Variants in APBA2 observed in about 807,000 individuals in gnomAD.
The protein encoded by APBA2 is amyloid-beta A4 precursor protein-binding family A member 2.
Under a neutral mutation model 75.0 loss-of-function variants are expected in APBA2, and 30 were observed. That is an observed-to-expected ratio of 0.40 (90% CI 0.30 to 0.54). The LOEUF (loss-of-function observed/expected upper bound fraction) is 0.54. Among genes scored for constraint, APBA2 ranks in the 20% least tolerant of loss-of-function variants. The pLI, the probability that APBA2 is intolerant of heterozygous loss-of-function variation, is 0.49. For missense variants in APBA2, 801 were observed against 1,016.1 expected, an observed-to-expected ratio of 0.79 and a Z score of 2.88; for synonymous variants, 444 against 409.6, an observed-to-expected ratio of 1.08 and a Z score of -1.01.
rs138421246 is a variant in APBA2 at position 28,891,232 on chromosome 15, G to C, written c.-205+4954G>C. ...CCGACAAATCTGGAAGGCACGTCTT[G>C]TCTTAACTTTGCAACAAGGAGGCTG... is the stretch of plus-strand genomic sequence containing the variant. On this transcript the variant is annotated intron_variant, in intron 1 of 14. Transcript: ENST00000683413. Among the ~76,000 whole-genome samples the C allele has an allele frequency of 6.3e-4, 96 of 152,326 alleles. 1 individual carries two copies. In the East Asian group the frequency reaches 9.8e-3, roughly 16 times the overall value.
At chr15:29,106,315 G>A (rs969447563) in intron 11 of APBA2, among the ~76,000 whole-genome samples, 2 of 151,594 alleles carry the variant, frequency 1.3e-5, no homozygotes, top group Admixed American at 1.3e-4. Context: ...TTGGGCACGG[G>A]TGGGGTTGGG....
At chr15:29,088,795 C>T (rs1054618759) in intron 6 of APBA2, among the ~76,000 whole-genome samples, 1 of 152,188 alleles carries the variant, frequency 6.6e-6, no homozygotes, top group Non-Finnish European at 1.5e-5. Context: ...CCAGGGTCCT[C>T]ACATCTGGCC....
intron 3 of APBA2, among the ~76,000 whole-genome samples, chr15:29,014,169 A>G (rs1343409411): frequency 1.3e-5 from 2 of 152,344 alleles, no homozygotes; most frequent in African/African-American, 2.4e-5. Context: ...TATTGTGCTC[A>G]TGCAGGTAGC....
intron 2 of APBA2, among the ~76,000 whole-genome samples, chr15:28,930,153 G>A (rs2152686643): frequency 6.6e-6 from 1 of 152,316 alleles, no homozygotes; most frequent in African/African-American, 2.4e-5. Flanking sequence ...GCCCCCGCCA[G>A]TATAGGTGGG....
chr15:28,946,925 G>A (rs1473296044), intron 2 of APBA2, among the ~76,000 whole-genome samples: 3 of 152,314 alleles, frequency 2.0e-5, no homozygotes, highest in Non-Finnish European at 4.4e-5. Flanking sequence ...GCAAGTTGGT[G>A]TTGTCTGAAG....
chr15:29,000,949 GGGA>G (rs2038811926), intron 3 of APBA2, among the ~76,000 whole-genome samples: 1 of 152,140 alleles, frequency 6.6e-6, no homozygotes, highest in African/African-American at 2.4e-5. Context: ...GCCTTCACAT[GGGA>G]GGCTCCTTCT....
intron 3 of APBA2, among the ~76,000 whole-genome samples, chr15:29,048,665 G>T (rs1026308166): frequency 6.6e-6 from 1 of 151,994 alleles, no homozygotes; most frequent in African/African-American, 2.4e-5. Flanking sequence ...GCTGGGCGGG[G>T]TGGCTCACAC....
intron 3 of APBA2, among the ~76,000 whole-genome samples, chr15:29,010,254 TAGG>T (rs562753264): frequency 4.1e-4 from 63 of 152,264 alleles, no homozygotes; most frequent in African/African-American, 1.5e-3. Context: ...TAGTGCTTTG[TAGG>T]AGTTCTTTTT....
At chr15:29,011,690 A>C (rs183810630) in intron 3 of APBA2, among the ~76,000 whole-genome samples, 2 of 152,236 alleles carry the variant, frequency 1.3e-5, no homozygotes, top group African/African-American at 4.8e-5. Flanking sequence ...CTTCTTTGTT[A>C]TATCATTTAC....
intron 4 of APBA2, chr15:29,070,735 A>G (rs758547630): frequency 7.1e-5 from 17 of 240,422 alleles, no homozygotes; most frequent in Non-Finnish European, 1.2e-4. Flanking sequence ...CCAGGGGGTC[A>G]TGCTCTCACT....
At chr15:28,950,918 G>C (rs764689517) in intron 2 of APBA2, among the ~76,000 whole-genome samples, 1 of 152,130 alleles carries the variant, frequency 6.6e-6, no homozygotes, top group Non-Finnish European at 1.5e-5. Context: ...TGCTCAAACT[G>C]TCCCAGCTTT....
intron 6 of APBA2, among the ~76,000 whole-genome samples, chr15:29,087,122 T>G (rs1206404088): frequency 1.3e-5 from 2 of 152,234 alleles, no homozygotes; most frequent in Non-Finnish European, 2.9e-5. Flanking sequence ...ATGGAGAGGA[T>G]GTTCTGCAGA....
At chr15:29,033,964 CAAAAAAAAAAAAAA>C (rs34808408) in intron 3 of APBA2, among the ~76,000 whole-genome samples, 1 of 39,556 alleles carries the variant, frequency 2.5e-5, no homozygotes, top group African/African-American at 8.7e-5. Flanking sequence ...GACTCCATCT[CAAAAAAAAAAAAAA>C]AAAAAAAAAA....
At chr15:28,920,794 G>A (rs898483075) in intron 1 of APBA2, among the ~76,000 whole-genome samples, 2 of 152,150 alleles carry the variant, frequency 1.3e-5, no homozygotes, top group Admixed American at 1.3e-4. Flanking sequence ...GCTGGAGCTG[G>A]AGCCTGAACC....
chr15:28,960,846 G>A (rs1461332985), intron 2 of APBA2, among the ~76,000 whole-genome samples: 2 of 141,588 alleles, frequency 1.4e-5, no homozygotes, highest in African/African-American at 5.3e-5. Flanking sequence ...CGCAACCTCC[G>A]CCTCCCAGGT....
At chr15:29,019,389 G>T (rs116622373) in intron 3 of APBA2, among the ~76,000 whole-genome samples, 1,710 of 152,342 alleles carry the variant, frequency 0.011, 30 homozygotes, top group African/African-American at 0.039. Flanking sequence ...CTGAAGAATT[G>T]TGCAACACAG....
chr15:29,054,909 A>C lies in APBA2; in HGVS notation c.951+74A>C. The C allele has an allele frequency of 7.0e-7, 1 of 1,424,322 alleles. No homozygotes were observed. Among genetic ancestry groups the C allele is most frequent in the Non-Finnish European group, 9.6e-7 (1 of 1,042,216 alleles). The allele number at this position is 1,424,322 out of a possible 1,614,324, so 88.2% of individuals were successfully genotyped here. On this transcript the variant is annotated intron_variant, in intron 4 of 14. Transcript: ENST00000683413. This position sits in a 1 kb window ranked among gnomAD's most constrained non-coding sequence, Gnocchi z 6.1. ...AGGGACCTCAGGGTACAGGCCTTGC[A>C]GATGCTGAAGCGAGGCGGTGGGGGG... is the stretch of plus-strand genomic sequence containing the variant.
At chr15:28,950,277 C>T (rs372813858) in intron 2 of APBA2, among the ~76,000 whole-genome samples, 24 of 152,150 alleles carry the variant, frequency 1.6e-4, no homozygotes, top group African/African-American at 5.6e-4. Context: ...TCATAACTAT[C>T]GATGTTGACC....
At chr15:28,960,881 TC>T (rs2036433015) in intron 2 of APBA2, among the ~76,000 whole-genome samples, 1 of 151,576 alleles carries the variant, frequency 6.6e-6, no homozygotes, top group South Asian at 2.1e-4. Flanking sequence ...TGCCTCAGCC[TC>T]CCGAGTAGCT....
Sources: allele counts gnomAD v4.1 joint callset (sites outside exome capture counted in the v4.1 genomes callset), GRCh38; gene constraint gnomAD v4.1.1; non-coding constraint Gnocchi (gnomAD v3.1); transcripts MANE v1.5; gene names NCBI Gene and HGNC (gene_info 2026-07-23, HGNC 2026-07-21).